The following WASHC2C variants were observed in gnomAD, a reference collection of about 807,000 sequenced individuals.
The protein encoded by WASHC2C is WASH complex subunit 2C.
In WASHC2C, 73 loss-of-function variants were observed where a neutral mutation model predicts 142.2. The observed-to-expected ratio is 0.51, with a 90% CI of 0.43 to 0.62. The LOEUF is 0.62. Among genes scored for constraint, WASHC2C ranks in the 20% least tolerant of loss-of-function variants. The pLI, the probability that WASHC2C is intolerant of heterozygous loss-of-function variation, is 0.00. For missense variants in WASHC2C, 969 were observed against 1,531.7 expected, an observed-to-expected ratio of 0.63 and a Z score of 6.13; for synonymous variants, 337 against 565.5, an observed-to-expected ratio of 0.60 and a Z score of 5.73.
At chr10:45,728,446 AC>A (rs913192538) in intron 2 of WASHC2C, among the ~76,000 whole-genome samples, 6 of 152,192 alleles carry the variant, frequency 3.9e-5, no homozygotes, top group Admixed American at 2.0e-4. Flanking sequence ...TACTTGTCAA[AC>A]CAGCATTCCG....
chr10:45,744,971 G>A (rs2052630493), intron 7 of WASHC2C, 89 bp downstream of exon 7: 1 of 386,222 alleles, frequency 2.6e-6, no homozygotes, highest in African/African-American at 2.5e-5. Context: ...GCATAACTGT[G>A]AATTCGTAAT....
Position 45,752,664 on chromosome 10 carries a change from G to A in WASHC2C, c.1080G>A (p.Leu360=). 6.2e-7 allele frequency: 1 copy of A among 1,609,626 alleles called. No individual in the cohort carries two copies. Among genetic ancestry groups the A allele is most frequent in the Non-Finnish European group, 8.5e-7 (1 of 1,178,804 alleles). The change falls in exon 12 of 31, where the codon CTG becomes CTA. Residue 360 remains leucine (L), a synonymous_variant. Transcript: ENST00000623400. ...CGCCATTTGGCTCTGGAGGTGGCCTGTTCAGTGGCGGCAAGGGGCTATTTG... is the reference window on the plus strand; with the variant it reads ...CGCCATTTGGCTCTGGAGGTGGCCTATTCAGTGGCGGCAAGGGGCTATTTG... ...DFSPFGSGGG[L]FSGGKGLFDD...
chr10:45,781,001 G>GC (rs1489157491), intron 23 of WASHC2C, among the ~76,000 whole-genome samples: 1 of 151,430 alleles, frequency 6.6e-6, no homozygotes, highest in African/African-American at 2.4e-5. Flanking sequence ...TGATCCACCT[G>GC]CCTTAGCCTC....
intron 27 of WASHC2C, 91 bp downstream of exon 27, chr10:45,786,765 C>T (rs539496616): frequency 6.2e-7 from 1 of 1,604,384 alleles, no homozygotes; most frequent in South Asian, 1.1e-5. Context: ...TGCCAAACAT[C>T]TTCTCATCTC....
chr10:45,747,805 C>T (rs1223491260), intron 8 of WASHC2C, among the ~76,000 whole-genome samples: 1 of 151,038 alleles, frequency 6.6e-6, no homozygotes, highest in Admixed American at 6.6e-5. Flanking sequence ...GTTTCCCAGG[C>T]TGGTCTTGAG....
chr10:45,780,730 A>T (rs2057428709), intron 23 of WASHC2C, among the ~76,000 whole-genome samples: 2 of 151,836 alleles, frequency 1.3e-5, no homozygotes, highest in Admixed American at 1.3e-4. Flanking sequence ...TTACTAACTT[A>T]CAAAAGTTAC....
At position 45,728,765 on chromosome 10, in the gene WASHC2C, C is replaced by T. The variant is rs574170028; in HGVS notation, c.127-97C>T. 6.3e-5 allele frequency: 82 copies of T among 1,309,138 alleles called. No individual in the cohort carries two copies. The African/African-American group carries it at 1.1e-3, about 17-fold the overall frequency. 81.1% of individuals were successfully genotyped at this position (1,309,138 alleles called of 1,614,324 possible). A position where few individuals can be genotyped will look rare whatever the true frequency, so the allele number is the denominator to read the frequency against. ...AAAAAGCATTTCTTTCACATTCTAA[C>T]ACTCAAAGGTGAAAGGAAATGGGTT... is the stretch of plus-strand genomic sequence containing the variant. On this transcript the variant is annotated intron_variant, in intron 2 of 30. Transcript: ENST00000623400.
At chr10:45,773,456 G>T (rs1418172222) in intron 21 of WASHC2C, 98 bp downstream of exon 21, 22 of 619,062 alleles carry the variant, frequency 3.6e-5, no homozygotes, top group Non-Finnish European at 5.6e-5. Context: ...AACCTTGGAG[G>T]CTGAGTCTTA....
At chr10:45,779,807 A>C (rs1275613296) in intron 23 of WASHC2C, among the ~76,000 whole-genome samples, 2 of 152,176 alleles carry the variant, frequency 1.3e-5, no homozygotes, top group Non-Finnish European at 2.9e-5. Flanking sequence ...CAACATAATG[A>C]AACCCTGTTT....
intron 17 of WASHC2C, among the ~76,000 whole-genome samples, chr10:45,761,679 T>C (rs1322006046): frequency 6.6e-6 from 1 of 152,208 alleles, no homozygotes; most frequent in Non-Finnish European, 1.5e-5. Context: ...TGAAGTCATT[T>C]TGGGGGAACA....
intron 23 of WASHC2C, among the ~76,000 whole-genome samples, chr10:45,782,157 CG>C (rs2057553551): frequency 6.6e-6 from 1 of 151,108 alleles, no homozygotes; most frequent in Admixed American, 6.6e-5. Flanking sequence ...GGCCTGGTTG[CG>C]TGCTCCTATA....
chr10:45,773,888 A>G (rs1401422452), intron 21 of WASHC2C, among the ~76,000 whole-genome samples: 2 of 124,882 alleles, frequency 1.6e-5, no homozygotes, highest in Non-Finnish European at 3.4e-5. Flanking sequence ...AACATACTGC[A>G]GGCCAAAAAA....
chr10:45,751,745 A>C (rs2134638835), intron 11 of WASHC2C, among the ~76,000 whole-genome samples, 192 bp downstream of exon 11: 1 of 152,306 alleles, frequency 6.6e-6, no homozygotes, highest in Middle Eastern at 3.4e-3. Context: ...TGGGAGGCCG[A>C]GGCGGGTGGA....
intron 5 of WASHC2C, among the ~76,000 whole-genome samples, chr10:45,742,540 T>A (rs1428123773): frequency 2.0e-5 from 3 of 152,228 alleles, no homozygotes; most frequent in African/African-American, 7.2e-5. Context: ...GGTCTCAAAC[T>A]CCTGACCTCA....
chr10:45,727,421 A>G lies in WASHC2C; in HGVS notation c.8A>G (p.Asn3Ser), dbSNP rs1393309755. 1.2e-6 allele frequency: 2 copies of G among 1,611,346 alleles called. No homozygotes were observed. The highest frequency in any genetic ancestry group is 1.1e-5 in the South Asian group (1 of 90,952). MM[N>S]RTTPDQELVP... ...TTCTCGTTTTTTTCGCTGCAGATGA[A>G]CCGGACGACCCCCGACCAGGAGCTG... The change falls in exon 2 of 31, where the codon AAC (asparagine) becomes AGC (serine). Residue 3 changes from asparagine (N) to serine (S), a missense_variant. By Grantham distance (46) the Asn-to-Ser change is conservative (BLOSUM62 1). Transcript: ENST00000623400.
chr10:45,749,825 C>CAAAAAAAAAAAAA (rs1168283573), intron 8 of WASHC2C, among the ~76,000 whole-genome samples: 3 of 77,246 alleles, frequency 3.9e-5, no homozygotes, highest in Non-Finnish European at 7.0e-5. Context: ...GACTCCATCT[C>CAAAAAAAAAAAAA]AAAAAAAAAA....
In WASHC2C at chr10:45,792,626, A is replaced by G; in HGVS notation, c.*226A>G. ...GGTTGGTTTGTTTTGTTTTTAAACC[A>G]CAGTTTGATTTAGTTAGCCTTGCTG... is the stretch of plus-strand genomic sequence containing the variant. On this transcript the variant is annotated 3_prime_UTR_variant, in exon 31 of 31. Transcript: ENST00000623400. 1.7e-6 allele frequency: 1 copy of G among 583,930 alleles called. No individual in the cohort carries two copies. The highest frequency in any genetic ancestry group is 2.0e-5 in the South Asian group (1 of 49,336). The allele number at this position is 583,930 out of a possible 1,614,324, so 36.2% of individuals were successfully genotyped here.
intron 29 of WASHC2C, 40 bp from the exon 30 acceptor site, chr10:45,790,316 T>G: frequency 6.2e-7 from 1 of 1,609,150 alleles, no homozygotes; most frequent in Non-Finnish European, 8.5e-7. Flanking sequence ...AAAGAAAAAT[T>G]GATTTAACAT....
chr10:45,775,150 T>G (rs1411825177), intron 21 of WASHC2C, among the ~76,000 whole-genome samples: 1 of 143,574 alleles, frequency 7.0e-6, no homozygotes, highest in African/African-American at 2.6e-5. Context: ...TTTTAGACAA[T>G]TTTTTTTTCT....
Sources: allele counts gnomAD v4.1 joint callset (sites outside exome capture counted in the v4.1 genomes callset), GRCh38; gene constraint gnomAD v4.1.1; transcripts MANE v1.5; gene names NCBI Gene and HGNC (gene_info 2026-07-23, HGNC 2026-07-21).